Variants in NOS1AP observed in about 807,000 individuals in gnomAD.
The protein encoded by NOS1AP is carboxyl-terminal PDZ ligand of neuronal nitric oxide synthase protein.
Under a neutral mutation model 56.2 loss-of-function variants are expected in NOS1AP, and 21 were observed. The observed-to-expected ratio is 0.37, with a 90% confidence interval of 0.26 to 0.54. The LOEUF (loss-of-function observed/expected upper bound fraction) is 0.54, where lower values mean the gene tolerates loss of function less well. Among genes scored for constraint, NOS1AP ranks in the 20% least tolerant of loss-of-function variants. NOS1AP has a pLI of 0.84. For missense variants in NOS1AP, 522 were observed against 657.8 expected (o/e 0.79, Z 2.26); for synonymous variants, 270 against 274.6 (o/e 0.98, Z 0.17).
chr1:162,171,452 C>T (rs1214452772), intron 2 of NOS1AP, among the ~76,000 whole-genome samples: 1 of 152,176 alleles, frequency 6.6e-6, no homozygotes, highest in East Asian at 1.9e-4. Flanking sequence ...TCTCCTAGAT[C>T]GTATGTCTCC....
chr1:162,166,429 T>A (rs1650501003), intron 2 of NOS1AP, among the ~76,000 whole-genome samples: 1 of 152,212 alleles, frequency 6.6e-6, no homozygotes, highest in Non-Finnish European at 1.5e-5. Context: ...CTATTCCTCC[T>A]CTTCCTTCTA....
chr1:162,174,259 G>T (rs1312667977), intron 2 of NOS1AP, among the ~76,000 whole-genome samples: 2 of 152,056 alleles, frequency 1.3e-5, no homozygotes, highest in Non-Finnish European at 2.9e-5. Flanking sequence ...GTCCTTTGTA[G>T]GGACATGGAT....
intron 2 of NOS1AP, among the ~76,000 whole-genome samples, chr1:162,217,122 T>A (rs1458344065): frequency 6.6e-6 from 1 of 152,088 alleles, no homozygotes; most frequent in African/African-American, 2.4e-5. Flanking sequence ...TAGGTACTTC[T>A]ATGTTTCCAC....
intron 2 of NOS1AP, among the ~76,000 whole-genome samples, chr1:162,198,975 G>A (rs1415860420): frequency 3.9e-5 from 6 of 152,098 alleles, no homozygotes; most frequent in South Asian, 2.1e-4. Context: ...TTACCCCTCC[G>A]CATAATGCCC....
chr1:162,168,055 T>C (rs1650587049), intron 2 of NOS1AP, among the ~76,000 whole-genome samples: 1 of 152,044 alleles, frequency 6.6e-6, no homozygotes, highest in African/African-American at 2.4e-5. Context: ...TTAGTTGTTA[T>C]ATAACAGGCG....
chr1:162,267,100 A>T (rs774870284), intron 2 of NOS1AP, among the ~76,000 whole-genome samples: 2 of 152,150 alleles, frequency 1.3e-5, no homozygotes, highest in African/African-American at 2.4e-5. Flanking sequence ...TAGAGTGAGT[A>T]ATTGTTTTGA....
chr1:162,120,196 T>G (rs750456539), intron 1 of NOS1AP, among the ~76,000 whole-genome samples: 12 of 152,190 alleles, frequency 7.9e-5, no homozygotes, highest in Non-Finnish European at 1.6e-4. Context: ...CTTTAAGCTG[T>G]GAATCTATTC....
At chr1:162,084,188 T>C (rs1691956210) in intron 1 of NOS1AP, among the ~76,000 whole-genome samples, 1 of 152,226 alleles carries the variant, frequency 6.6e-6, no homozygotes, top group Admixed American at 6.5e-5. Flanking sequence ...GTTGATTGTC[T>C]TTTCTCATTC....
intron 3 of NOS1AP, among the ~76,000 whole-genome samples, chr1:162,294,857 C>T (rs1280088851): frequency 6.6e-6 from 1 of 152,212 alleles, no homozygotes; most frequent in African/African-American, 2.4e-5. Context: ...TAATCTGCTC[C>T]ACCAGGCACT....
chr1:162,254,992 T>C (rs138424426), intron 2 of NOS1AP, among the ~76,000 whole-genome samples: 32 of 152,318 alleles, frequency 2.1e-4, no homozygotes, highest in African/African-American at 7.7e-4. Context: ...TGTGGTCCAT[T>C]TCAGTTTGGA....
intron 1 of NOS1AP, among the ~76,000 whole-genome samples, chr1:162,130,689 T>A (rs192905608): frequency 1.3e-5 from 2 of 152,320 alleles, no homozygotes; most frequent in African/African-American, 4.8e-5. Flanking sequence ...AGTCACCTAG[T>A]CTAGCATTTT....
chr1:162,080,520 AG>A (rs1260330410), intron 1 of NOS1AP, among the ~76,000 whole-genome samples: 1 of 152,180 alleles, frequency 6.6e-6, no homozygotes, highest in Non-Finnish European at 1.5e-5. Context: ...GTGACCAAGA[AG>A]GGAGCACTCC....
intron 1 of NOS1AP, among the ~76,000 whole-genome samples, chr1:162,082,192 GTT>G (rs35756945): frequency 6.0e-5 from 9 of 150,814 alleles, no homozygotes; most frequent in Non-Finnish European, 1.3e-4. Context: ...TGCAGTATTT[GTT>G]TTTTTTTTGT....
intron 1 of NOS1AP, among the ~76,000 whole-genome samples, chr1:162,088,875 C>T (rs1476746026): frequency 2.0e-5 from 3 of 152,064 alleles, no homozygotes; most frequent in Admixed American, 6.6e-5. Flanking sequence ...CCTGTGGTAA[C>T]GTCTTTATGA....
intron 4 of NOS1AP, among the ~76,000 whole-genome samples, chr1:162,313,532 G>C (rs1656120858): frequency 1.3e-5 from 2 of 152,186 alleles, no homozygotes; most frequent in African/African-American, 4.8e-5. Context: ...GGCTCTGAGA[G>C]TTCCAAAGTG....
chr1:162,136,586 C>T (rs373086333), intron 1 of NOS1AP, among the ~76,000 whole-genome samples: 5 of 152,198 alleles, frequency 3.3e-5, no homozygotes, highest in East Asian at 3.9e-4. Flanking sequence ...TGGGCTTACT[C>T]TCATTCTCTC....
intron 1 of NOS1AP, among the ~76,000 whole-genome samples, chr1:162,118,270 G>C (rs1648053060): frequency 6.6e-6 from 1 of 152,136 alleles, no homozygotes; most frequent in South Asian, 2.1e-4. Context: ...CCCGCATCTA[G>C]TGGTCCCCAG....
chr1:162,125,872 A>G lies in NOS1AP; in HGVS notation c.106-28533A>G, dbSNP rs192218669. Among the ~76,000 whole-genome samples, 654 of 152,110 alleles carry G rather than the reference A, an allele frequency of 4.3e-3. 2 individuals carry two copies. Among genetic ancestry groups the G allele is most frequent in the Non-Finnish European group, 6.4e-3 (436 of 67,974 alleles). Reference sequence around the variant, plus strand: ...GTAGATTGTTTTGGGTAGTATGGTCATTTTCATGATATTGATTTTTTCCAA... The same window carrying G: ...GTAGATTGTTTTGGGTAGTATGGTCGTTTTCATGATATTGATTTTTTCCAA... On this transcript the variant is annotated intron_variant, in intron 1 of 9. Coordinates refer to ENST00000361897, the MANE Select transcript of NOS1AP (RefSeq NM_014697.3).
At position 162,122,502 on chromosome 1, in the gene NOS1AP, A is replaced by T. The variant is rs932710211; in HGVS notation, c.106-31903A>T. ...TGAAAGTAGAGAGAATGATATAATG[A>T]ATCCCCATTTTTTTTTTTTTTTTGA... On this transcript the variant is annotated intron_variant, in intron 1 of 9. Transcript: ENST00000361897. 6.2e-4 allele frequency among the ~76,000 whole-genome samples: 84 copies of T among 136,252 alleles called. 1 individual carries two copies. Among genetic ancestry groups the T allele is most frequent in the Non-Finnish European group, 1.5e-4 (9 of 61,612 alleles). 89.4% of individuals were successfully genotyped at this position (136,252 alleles called of 152,430 possible).
Sources: gnomAD v4.1 joint callset for allele counts (sites outside exome capture counted in the v4.1 genomes callset) on GRCh38, gnomAD v4.1.1 for gene constraint, MANE v1.5 for transcripts, NCBI Gene and HGNC (gene_info 2026-07-23, HGNC 2026-07-21) for gene names.